The following LRFN5 variants were observed in gnomAD, a reference collection of about 807,000 sequenced individuals.
LRFN5 encodes leucine rich repeat and fibronectin type III domain containing 5.
Under a neutral mutation model 45.6 loss-of-function variants are expected in LRFN5, and 24 were observed. The observed-to-expected ratio is 0.53, with a 90% CI of 0.38 to 0.74. LRFN5 has a LOEUF of 0.74. Ranked by LOEUF, LRFN5 falls within the 30% of genes least tolerant of loss-of-function variation. The probability of loss-of-function intolerance (pLI) is 0.00; values close to 1 mark genes in which losing one functional copy is unlikely to be tolerated. For missense variants in LRFN5, 776 were observed against 861.5 expected (o/e 0.90, Z 1.24); for synonymous variants, 340 against 313.8 (o/e 1.08, Z -0.88).
At chr14:41,871,235 AAT>A (rs1315504802) in intron 2 of LRFN5, among the ~76,000 whole-genome samples, 5 of 152,172 alleles carry the variant, frequency 3.3e-5, no homozygotes, top group Non-Finnish European at 7.3e-5. Context: ...AATTAAAAAT[AAT>A]CATCAAATCA....
At chr14:41,876,174 C>A (rs566857337) in intron 2 of LRFN5, among the ~76,000 whole-genome samples, 3 of 151,934 alleles carry the variant, frequency 2.0e-5, no homozygotes, top group South Asian at 4.1e-4. Flanking sequence ...GAGAAGAATG[C>A]GTAATATAAT....
chr14:41,837,383 A>G (rs998054817), intron 2 of LRFN5, among the ~76,000 whole-genome samples: 5 of 152,118 alleles, frequency 3.3e-5, no homozygotes, highest in African/African-American at 1.2e-4. Flanking sequence ...CAGTGGAGAA[A>G]GACATAGAAG....
intron 1 of LRFN5, among the ~76,000 whole-genome samples, chr14:41,765,861 C>G (rs777981924): frequency 1.3e-5 from 2 of 152,028 alleles, no homozygotes; most frequent in Non-Finnish European, 2.9e-5. Context: ...TAAGCAATAG[C>G]TTAATTTTCC....
In LRFN5 at chr14:41,702,072, C is replaced by T. The variant is rs533449960; in HGVS notation, c.-196-64782C>T. Among the ~76,000 whole-genome samples, 11 of 152,190 alleles carry T rather than the reference C, an allele frequency of 7.2e-5. No individual in the cohort carries two copies. The South Asian group carries it at 2.1e-3, about 29-fold the overall frequency. ...CCCAGGACTAAGCATAGGACTTATT[C>T]TGAAGATCATGTACTGATTAGGTAG... On this transcript the variant is annotated intron_variant, in intron 1 of 5. Transcript: ENST00000298119.
intron 1 of LRFN5, among the ~76,000 whole-genome samples, chr14:41,621,131 AAAAAG>A (rs1888122095): frequency 6.6e-6 from 1 of 152,228 alleles, no homozygotes; most frequent in African/African-American, 2.4e-5. Flanking sequence ...AGGATACACG[AAAAAG>A]AAAAGAGTCC....
At chr14:41,617,913 C>T (rs1887978868) in intron 1 of LRFN5, among the ~76,000 whole-genome samples, 1 of 152,096 alleles carries the variant, frequency 6.6e-6, no homozygotes, top group Admixed American at 6.6e-5. Context: ...CCATCATGAA[C>T]ACTCTGGCAT....
chr14:41,886,019 C>CACAAA lies in LRFN5; in HGVS notation c.-20-586_-20-585insCAAAA, dbSNP rs1555329599. Reference sequence around the variant, plus strand: ...CTGGGCAACAAAGCAAGGCTCGTCTCAAAAAAAAAAAAAAAAAAAAATAGT... The same window carrying CACAAA: ...CTGGGCAACAAAGCAAGGCTCGTCTCACAAAAAAAAAAAAAAAAAAAAAAAATAGT... On this transcript the variant is annotated intron_variant, in intron 2 of 5. Coordinates refer to ENST00000298119, the MANE Select transcript of LRFN5 (RefSeq NM_152447.5). 2.8e-4 allele frequency among the ~76,000 whole-genome samples: 25 copies of CACAAA among 88,778 alleles called. 2 individuals are homozygous for CACAAA. Among genetic ancestry groups the CACAAA allele is most frequent in the African/African-American group, 1.2e-3 (25 of 21,342 alleles). The allele number at this position is 88,778 out of a possible 152,430, so 58.2% of individuals were successfully genotyped here.
At chr14:41,653,090 A>G (rs1196536820) in intron 1 of LRFN5, among the ~76,000 whole-genome samples, 1 of 152,186 alleles carries the variant, frequency 6.6e-6, no homozygotes, top group East Asian at 1.9e-4. Flanking sequence ...TACTTTGCAA[A>G]AATTTTCTCC....
intron 2 of LRFN5, among the ~76,000 whole-genome samples, chr14:41,850,547 A>G (rs1889230045): frequency 6.6e-6 from 1 of 151,948 alleles, no homozygotes; most frequent in Admixed American, 6.6e-5. Flanking sequence ...TACCACACCA[A>G]TGCATTTACT....
intron 1 of LRFN5, among the ~76,000 whole-genome samples, chr14:41,758,636 C>T (rs114143375): frequency 0.012 from 1,793 of 152,242 alleles, 35 homozygotes; most frequent in African/African-American, 0.04. Flanking sequence ...AGCAGGGTTA[C>T]GGTCTAATAA....
At chr14:41,878,948 C>T (rs2139133764) in intron 2 of LRFN5, among the ~76,000 whole-genome samples, 1 of 152,106 alleles carries the variant, frequency 6.6e-6, no homozygotes, top group Non-Finnish European at 1.5e-5. Context: ...TGAGATCTTA[C>T]CTCGTATTTT....
intron 2 of LRFN5, among the ~76,000 whole-genome samples, chr14:41,783,989 A>C (rs925461693): frequency 6.6e-6 from 1 of 152,068 alleles, no homozygotes; most frequent in Non-Finnish European, 1.5e-5. Flanking sequence ...CCACAAGCTT[A>C]TTTTACCTTT....
intron 1 of LRFN5, among the ~76,000 whole-genome samples, chr14:41,689,041 G>GA (rs1285852294): frequency 6.6e-6 from 1 of 151,820 alleles, no homozygotes; most frequent in Non-Finnish European, 1.5e-5. Context: ...GCTACAGCGA[G>GA]CTGAGATCTC....
chr14:41,794,520 A>G (rs962167372), intron 2 of LRFN5, among the ~76,000 whole-genome samples: 5 of 152,016 alleles, frequency 3.3e-5, no homozygotes, highest in African/African-American at 7.2e-5. Context: ...GAGTTGCTCT[A>G]TTTAGCTCTC....
chr14:41,722,506 AT>A (rs1883761514), intron 1 of LRFN5, among the ~76,000 whole-genome samples: 1 of 149,236 alleles, frequency 6.7e-6, no homozygotes, highest in African/African-American at 2.5e-5. Context: ...TTTTATAATC[AT>A]TTTCATATGT....
At chr14:41,690,546 C>T (rs1358859674) in intron 1 of LRFN5, among the ~76,000 whole-genome samples, 1 of 152,096 alleles carries the variant, frequency 6.6e-6, no homozygotes, top group Non-Finnish European at 1.5e-5. Context: ...CAAAGCAACA[C>T]TCTGTCTCAA....
chr14:41,812,506 C>T (rs542313638), intron 2 of LRFN5, among the ~76,000 whole-genome samples: 6 of 151,610 alleles, frequency 4.0e-5, no homozygotes, highest in Admixed American at 6.6e-5. Flanking sequence ...ACTTGGGCAA[C>T]GATGGACAAA....
At chr14:41,615,793 A>AT (rs1424893907) in intron 1 of LRFN5, among the ~76,000 whole-genome samples, 2 of 152,112 alleles carry the variant, frequency 1.3e-5, no homozygotes, top group Non-Finnish European at 2.9e-5. Flanking sequence ...AAAAATAAAA[A>AT]TTATTTTTAA....
At chr14:41,783,525 C>T (rs1886610270) in intron 2 of LRFN5, among the ~76,000 whole-genome samples, 1 of 152,050 alleles carries the variant, frequency 6.6e-6, no homozygotes, top group Non-Finnish European at 1.5e-5. Context: ...AAAACCTTAT[C>T]AATCATTTTT....
Sources: gnomAD v4.1 joint callset for allele counts (sites outside exome capture counted in the v4.1 genomes callset) on GRCh38, gnomAD v4.1.1 for gene constraint, MANE v1.5 for transcripts, NCBI Gene and HGNC (gene_info 2026-07-23, HGNC 2026-07-21) for gene names.